Variants in DMTN observed in about 807,000 individuals in gnomAD.
The protein encoded by DMTN is dematin actin binding protein.
A neutral mutation model predicts 59.4 loss-of-function variants in DMTN; 27 were observed. The ratio of observed to expected loss-of-function variants is 0.45; its 90% CI spans 0.33 to 0.63. The LOEUF (loss-of-function observed/expected upper bound fraction) is 0.63. DMTN is among the 20% of genes least tolerant of loss of function. The pLI is 0.02. For missense variants in DMTN, 451 were observed against 528.9 expected (o/e 0.85, Z 1.45); for synonymous variants, 221 against 203.7 (o/e 1.08, Z -0.72).
intron 10 of DMTN, among the ~76,000 whole-genome samples, chr8:22,078,798 G>T (rs201610698): frequency 3.5e-4 from 30 of 85,078 alleles, no homozygotes; most frequent in Admixed American, 9.0e-4. Flanking sequence ...ATGTCAGACT[G>T]TTTTTTTTTT....
chr8:22,068,485 T>C (rs961176465), intron 4 of DMTN, among the ~76,000 whole-genome samples: 3 of 152,012 alleles, frequency 2.0e-5, no homozygotes, highest in Admixed American at 6.6e-5. Flanking sequence ...GGAGAATCCC[T>C]TGAGGCTGGG....
intron 7 of DMTN, 68 bp downstream of exon 7, chr8:22,070,005 G>T (rs527239511): frequency 8.1e-6 from 13 of 1,600,194 alleles, no homozygotes; most frequent in East Asian, 4.5e-5. Flanking sequence ...CCCTGGGGCT[G>T]CGGGCTGGCT....
At chr8:22,053,472 C>T (rs1447739602), upstream of DMTN, 1 of 152,506 alleles carries the variant, frequency 6.6e-6, no homozygotes, top group Non-Finnish European at 1.5e-5. Flanking sequence ...CTGGCTCCAC[C>T]TCTCCCGAAG....
intron 1 of DMTN, among the ~76,000 whole-genome samples, chr8:22,063,115 C>T (rs1470544153): frequency 6.6e-6 from 1 of 152,198 alleles, no homozygotes; most frequent in East Asian, 1.9e-4. Context: ...GACATTCCTA[C>T]CTGTTCCCCT....
chr8:22,064,491 C>G (rs1323571345), intron 1 of DMTN, among the ~76,000 whole-genome samples: 1 of 151,994 alleles, frequency 6.6e-6, no homozygotes, highest in Non-Finnish European at 1.5e-5. Context: ...CGGAGTCTCG[C>G]TCTGTCGCCC....
At chr8:22,080,554 G>A (rs1823495298) in intron 12 of DMTN, 64 bp from the exon 13 acceptor site, 5 of 1,613,534 alleles carry the variant, frequency 3.1e-6, no homozygotes, top group Non-Finnish European at 4.2e-6. Context: ...GGTCTGGTGA[G>A]GTCAGGCGTG....
At chr8:22,054,579 C>G (rs1287415747), upstream of DMTN, among the ~76,000 whole-genome samples, 1 of 152,190 alleles carries the variant, frequency 6.6e-6, no homozygotes, top group Admixed American at 6.5e-5. Context: ...GAGCTCCACA[C>G]TGGGCTTCCT....
chr8:22,069,329 GA>G (rs1321311531), intron 5 of DMTN, 89 bp from the exon 6 acceptor site: 7 of 1,166,862 alleles, frequency 6.0e-6, no homozygotes, highest in Admixed American at 2.4e-5. Flanking sequence ...GCCAGGATGG[GA>G]GGACAGAGAG....
rs1811058892 is a variant in DMTN at position 22,066,902 on chromosome 8, C to T, written c.18+9C>T. The stretch of plus-strand genomic sequence containing the variant: ...TGGAACGGCTGCAGAAGGTGCGCGG[C>T]GCCGCCCCGGGCCGGGGCCGCCGAG... On this transcript the variant is annotated intron_variant, in intron 2 of 15. Coordinates refer to ENST00000358242, the MANE Select transcript of DMTN (RefSeq NM_001387751.1). The T allele has an allele frequency of 4.7e-6, 6 of 1,267,614 alleles. No homozygotes were observed. The South Asian group carries it at 1.6e-4, about 35-fold the overall frequency. 78.5% of individuals were successfully genotyped at this position (1,267,614 alleles called of 1,614,324 possible).
At chr8:22,069,640 C>T in intron 6 of DMTN, 122 bp downstream of exon 6, 2 of 927,336 alleles carry the variant, frequency 2.2e-6, no homozygotes, top group South Asian at 1.7e-5. Flanking sequence ...AAGTAGGCCC[C>T]AGGAGGCCAG....
At chr8:22,080,582 G>C in intron 12 of DMTN, 36 bp from the exon 13 acceptor site, 8 of 1,612,288 alleles carry the variant, frequency 5.0e-6, no homozygotes, top group Non-Finnish European at 6.8e-6. Flanking sequence ...GCTGACCTCA[G>C]AGCTGCATCT....
At chr8:22,080,023 C>G (rs965340428) in intron 10 of DMTN, among the ~76,000 whole-genome samples, 157 bp from the exon 11 acceptor site, 2 of 152,116 alleles carry the variant, frequency 1.3e-5, no homozygotes, top group African/African-American at 4.8e-5. Flanking sequence ...CTGAAGGTGA[C>G]CAGTAGGAGC....
upstream of DMTN, among the ~76,000 whole-genome samples, chr8:22,054,484 C>G (rs1190499509): frequency 6.6e-6 from 1 of 152,120 alleles, no homozygotes; most frequent in Non-Finnish European, 1.5e-5. Flanking sequence ...CAGCCAGCGC[C>G]CAGGGGCCTC....
upstream of DMTN, among the ~76,000 whole-genome samples, chr8:22,053,344 C>T (rs1018748773): frequency 1.3e-4 from 20 of 152,138 alleles, no homozygotes; most frequent in South Asian, 4.2e-4. Flanking sequence ...GTCCAATGCC[C>T]GGAGGCAGGG....
Position 22,070,240 on chromosome 8 carries a change from A to C in DMTN, c.510A>C (p.Ser170=). Residue 170 remains serine, a synonymous_variant, in exon 8 of 16, where the codon TCA becomes TCC. Coordinates refer to ENST00000358242, the MANE Select transcript of DMTN (RefSeq NM_001387751.1). The part of the protein sequence containing the change: ...KHLIEDLIIE[S]SKFPAAQPPD... ...TCATCGAGGATCTCATCATCGAGTC[A>C]TCCAAGTTTCCTGCAGCCCAGCCCC... The C allele has an allele frequency of 6.2e-7, 1 of 1,612,882 alleles. No homozygotes were observed. The highest frequency in any genetic ancestry group is 8.5e-7 in the Non-Finnish European group (1 of 1,179,408).
intron 9 of DMTN, among the ~76,000 whole-genome samples, chr8:22,072,987 A>G (rs1381929679): frequency 6.6e-6 from 1 of 152,222 alleles, no homozygotes; most frequent in African/African-American, 2.4e-5. Flanking sequence ...GGGTGGTCCC[A>G]TCAGAGCTGG....
chr8:22,080,275 C>T (rs540320078), intron 11 of DMTN, 31 bp downstream of exon 11: 14 of 1,614,002 alleles, frequency 8.7e-6, no homozygotes, highest in African/African-American at 8.0e-5. Flanking sequence ...ATATAGACTA[C>T]GTGGGAGGAA....
In DMTN at chr8:22,057,308, G is replaced by C. The variant is rs546053110; in HGVS notation, c.-172+172G>C. ...GGGACCAGCTGGGCCTGATCTAATG[G>C]AACCTTCTGATCTGGGGAAGAGGGC... On this transcript the variant is annotated intron_variant, in intron 1 of 15. Coordinates refer to ENST00000358242, the MANE Select transcript of DMTN (RefSeq NM_001387751.1). Among the ~76,000 whole-genome samples the C allele has an allele frequency of 1.1e-4, 17 of 152,276 alleles. No individual in the cohort carries two copies. The South Asian group carries it at 3.5e-3, about 32-fold the overall frequency.
chr8:22,070,142 G>T (rs760183886), intron 7 of DMTN, 40 bp from the exon 8 acceptor site: 3 of 1,559,168 alleles, frequency 1.9e-6, no homozygotes, highest in Admixed American at 1.8e-5. Flanking sequence ...AGTTGGCCTC[G>T]GGCAGGGCAC....
Sources: allele counts gnomAD v4.1 joint callset (sites outside exome capture counted in the v4.1 genomes callset), GRCh38; gene constraint gnomAD v4.1.1; transcripts MANE v1.5; gene names NCBI Gene and HGNC (gene_info 2026-07-23, HGNC 2026-07-21).